NPC1L1: variants seen among roughly 807,000 people sequenced by gnomAD.
NPC1L1 encodes NPC1 like intracellular cholesterol transporter 1.
In NPC1L1, 98 loss-of-function variants were observed where a neutral mutation model predicts 117.0. That is an observed-to-expected ratio of 0.84 (90% CI 0.71 to 0.99). The LOEUF is 0.99. Ranked by LOEUF, NPC1L1 falls within the 50% of genes least tolerant of loss-of-function variation. The pLI, the probability that NPC1L1 is intolerant of heterozygous loss-of-function variation, is 0.00. For missense variants in NPC1L1, 1,540 were observed against 1,710.0 expected, an observed-to-expected ratio of 0.90 and a Z score of 1.75; for synonymous variants, 729 against 727.6, an observed-to-expected ratio of 1.00 and a Z score of -0.03.
intron 10 of NPC1L1, among the ~76,000 whole-genome samples, chr7:44,524,177 G>A (rs1801439315): frequency 6.6e-6 from 1 of 152,108 alleles, no homozygotes; most frequent in East Asian, 1.9e-4. Flanking sequence ...AATGCTCAGA[G>A]AAAAATGCAG....
In NPC1L1 at chr7:44,533,712, G is replaced by A. The variant is rs372999976; in HGVS notation, c.2281+27C>T. The A allele has an allele frequency of 5.2e-5, 83 of 1,610,672 alleles. No homozygotes were observed. The South Asian group carries it at 6.4e-4, about 12-fold the overall frequency. On this transcript the variant is annotated intron_variant, in intron 7 of 18. Coordinates refer to ENST00000381160, the MANE Select transcript of NPC1L1 (RefSeq NM_001101648.2). ...GCACTAACCCAGCAAGCCTAATGCC[G>A]AGTGGGGAGGTCTCACCCAGGCTCA...
At chr7:44,516,562 T>C in intron 16 of NPC1L1, 141 bp downstream of exon 16, 2 of 754,570 alleles carry the variant, frequency 2.7e-6, no homozygotes, top group Non-Finnish European at 4.5e-6. Context: ...GCTGTGATCA[T>C]GTCACTGCCC....
At position 44,534,673 on chromosome 7, in the gene NPC1L1, C is replaced by A; in HGVS notation, c.1984-44G>T. On this transcript the variant is annotated intron_variant, in intron 5 of 18. Coordinates refer to ENST00000381160, the MANE Select transcript of NPC1L1 (RefSeq NM_001101648.2). This position sits in a 1 kb window ranked among gnomAD's most constrained non-coding sequence, Gnocchi z 5.2. ...CAGCCCCCTAGCCACTTAGCACCTACCCAGTATGCCCACCAGCCTCAGCTA... is the reference window on the plus strand; with the variant it reads ...CAGCCCCCTAGCCACTTAGCACCTAACCAGTATGCCCACCAGCCTCAGCTA... 3 of 1,601,822 alleles carry A rather than the reference C, an allele frequency of 1.9e-6. No homozygotes were observed. Among genetic ancestry groups the A allele is most frequent in the Non-Finnish European group, 2.6e-6 (3 of 1,171,560 alleles).
At chr7:44,540,374 C>T in intron 1 of NPC1L1, 32 bp from the exon 2 acceptor site, 1 of 1,596,608 alleles carries the variant, frequency 6.3e-7, no homozygotes, top group Non-Finnish European at 8.5e-7. Flanking sequence ...CGCGTGGGCC[C>T]TGACACAGCT....
chr7:44,516,603 C>T, intron 16 of NPC1L1, 100 bp downstream of exon 16: 1 of 987,794 alleles, frequency 1.0e-6, no homozygotes, highest in Non-Finnish European at 1.6e-6. Flanking sequence ...AAGACCCTGC[C>T]TCTAAAAAAA....
In NPC1L1 at chr7:44,538,697, A is replaced by T; in HGVS notation, c.1580+120T>A. ...CTGGGCGGCCCCAGGCCAGAGCCGT[A>T]GGAATAGCTACCTCTGGTCCTTCAG... is the stretch of plus-strand genomic sequence containing the variant. On this transcript the variant is annotated intron_variant, in intron 2 of 18. Coordinates refer to ENST00000381160, the MANE Select transcript of NPC1L1 (RefSeq NM_001101648.2). The surrounding 1 kb of genome is among the most constrained non-coding windows in gnomAD (Gnocchi z 5.9). 1 of 1,015,422 alleles carries T rather than the reference A, an allele frequency of 9.8e-7. No individual in the cohort carries two copies. The highest frequency in any genetic ancestry group is 1.5e-6 in the Non-Finnish European group (1 of 648,790). 62.9% of individuals were successfully genotyped at this position (1,015,422 alleles called of 1,614,324 possible).
At chr7:44,519,808 C>CTTTTTTTT (rs367934615) in intron 14 of NPC1L1, among the ~76,000 whole-genome samples, 4 of 149,166 alleles carry the variant, frequency 2.7e-5, no homozygotes, top group Non-Finnish European at 1.5e-5. Flanking sequence ...TTACTTTTTT[C>CTTTTTTTT]TTTCTTTTTT....
At position 44,534,290 on chromosome 7, in the gene NPC1L1, A is replaced by G. The variant is rs1211804160; in HGVS notation, c.2166+157T>C. 2.0e-5 allele frequency among the ~76,000 whole-genome samples: 3 copies of G among 152,104 alleles called. No homozygotes were observed. The highest frequency in any genetic ancestry group is 7.2e-5 in the African/African-American group (3 of 41,394). ...AGGATGAAGTCATTTATGTCAACAC[A>G]CTCTAGTTTCTACAGATATTGTAAA... is the stretch of plus-strand genomic sequence containing the variant. On this transcript the variant is annotated intron_variant, in intron 6 of 18. Coordinates refer to ENST00000381160, the MANE Select transcript of NPC1L1 (RefSeq NM_001101648.2). This position sits in a 1 kb window ranked among gnomAD's most constrained non-coding sequence, Gnocchi z 5.2.
In NPC1L1 at chr7:44,539,181, G is replaced by C; in HGVS notation, c.1216C>G (p.Arg406Gly). 6 of 1,614,096 alleles carry C rather than the reference G, an allele frequency of 3.7e-6. No homozygotes were observed. The highest frequency in any genetic ancestry group is 5.1e-6 in the Non-Finnish European group (6 of 1,180,028). Reference sequence around the variant, plus strand: ...GCCGTCAGGATCACCTGGTTGGTTCGGAAGAAGGGGCCGAAATGCTGGTCA... The same window carrying C: ...GCCGTCAGGATCACCTGGTTGGTTCCGAAGAAGGGGCCGAAATGCTGGTCA... ...FHDQHFGPFF[R>G]TNQVILTAPN... Residue 406 changes from arginine (R) to glycine (G), a missense_variant, in exon 2 of 19, where the codon CGA becomes GGA. Physicochemically the swap from Arg to Gly is moderately radical, Grantham distance 125. Transcript: ENST00000381160. This position sits in a 1 kb window ranked among gnomAD's most constrained non-coding sequence, Gnocchi z 4.4.
chr7:44,515,739 G>T, intron 18 of NPC1L1, 64 bp downstream of exon 18: 1 of 1,598,032 alleles, frequency 6.3e-7, no homozygotes, highest in Non-Finnish European at 8.6e-7. Flanking sequence ...TGGTGAGCAT[G>T]CACTGTTACT....
At chr7:44,535,096 C>T (rs966742068) in intron 5 of NPC1L1, among the ~76,000 whole-genome samples, 2 of 151,902 alleles carry the variant, frequency 1.3e-5, no homozygotes, top group African/African-American at 2.4e-5. Flanking sequence ...AAAAAATGGC[C>T]GGACGTGGTA....
intron 14 of NPC1L1, among the ~76,000 whole-genome samples, chr7:44,520,286 A>G (rs1305928435): frequency 6.6e-6 from 1 of 152,154 alleles, no homozygotes; most frequent in South Asian, 2.1e-4. Context: ...TCTCGAAAAA[A>G]AAAAAAGAGG....
intron 18 of NPC1L1, among the ~76,000 whole-genome samples, chr7:44,514,713 A>T (rs1801131956): frequency 6.7e-6 from 1 of 149,844 alleles, no homozygotes; most frequent in South Asian, 2.1e-4. Context: ...AAACAAATTA[A>T]TGATAGGGCT....
chr7:44,528,162 G>A (rs1801581904), intron 10 of NPC1L1, among the ~76,000 whole-genome samples: 1 of 152,134 alleles, frequency 6.6e-6, no homozygotes, highest in Non-Finnish European at 1.5e-5. Flanking sequence ...CTGTTGCTCA[G>A]GCTGGAGTAC....
At chr7:44,528,012 A>T (rs573883766) in intron 10 of NPC1L1, among the ~76,000 whole-genome samples, 1 of 152,074 alleles carries the variant, frequency 6.6e-6, no homozygotes, top group Non-Finnish European at 1.5e-5. Flanking sequence ...TTTAGTAGAG[A>T]TGGGGTTTTG....
rs545952784 is a variant in NPC1L1 at position 44,516,588 on chromosome 7, A to G, written c.3519+115T>C. 2.7e-5 allele frequency: 24 copies of G among 889,122 alleles called. No homozygotes were observed. The South Asian group carries it at 3.0e-4, about 11-fold the overall frequency. 55.1% of individuals were successfully genotyped at this position (889,122 alleles called of 1,614,324 possible). On this transcript the variant is annotated intron_variant, in intron 16 of 18. Coordinates refer to ENST00000381160, the MANE Select transcript of NPC1L1 (RefSeq NM_001101648.2). ...GTCACTGCCCTCAAGCCTGAGCAAC[A>G]GAGCAAGACCCTGCCTCTAAAAAAA...
In NPC1L1 at chr7:44,517,176, C is replaced by T. The variant is rs746521789; in HGVS notation, c.3287+31G>A. The T allele has an allele frequency of 1.6e-5, 26 of 1,613,756 alleles. No homozygotes were observed. In the South Asian group the frequency reaches 2.6e-4, roughly 16 times the overall value. On this transcript the variant is annotated intron_variant, in intron 15 of 18. Coordinates refer to ENST00000381160, the MANE Select transcript of NPC1L1 (RefSeq NM_001101648.2). ...CCAGTCTCCAGCAACCATACCCCAC[C>T]TCCCTCCAGCCCAGCCACTCAGGTC...
Position 44,533,758 on chromosome 7 carries a change from C to T in NPC1L1, c.2262G>A (p.Glu754=), listed in dbSNP as rs758617148. ...APSMLLCSLS[E]AICFFLGALT... is the part of the protein sequence containing the mutation. The stretch of plus-strand genomic sequence containing the variant: ...GCTCACCTAGGAAGAAGCAGATGGC[C>T]TCAGAGAGGCTGCACAACAGCATGC... Residue 754 remains glutamate, a synonymous_variant, in exon 7 of 19, where the codon GAG becomes GAA. Transcript: ENST00000381160. 4 of 1,614,148 alleles carry T rather than the reference C, an allele frequency of 2.5e-6. No homozygotes were observed. The highest frequency in any genetic ancestry group is 3.4e-6 in the Non-Finnish European group (4 of 1,180,014).
At chr7:44,524,746 AAAAT>A (rs1454128779) in intron 10 of NPC1L1, among the ~76,000 whole-genome samples, 1 of 152,134 alleles carries the variant, frequency 6.6e-6, no homozygotes, top group African/African-American at 2.4e-5. Flanking sequence ...TCTGTCTCAA[AAAAT>A]AAATAAATAA....
Sources: gnomAD v4.1 joint callset for allele counts (sites outside exome capture counted in the v4.1 genomes callset) on GRCh38, gnomAD v4.1.1 for gene constraint, Gnocchi (gnomAD v3.1) non-coding constraint, MANE v1.5 for transcripts, NCBI Gene and HGNC (gene_info 2026-07-23, HGNC 2026-07-21) for gene names.